TOX: variants seen among roughly 807,000 people sequenced by gnomAD.
TOX encodes the protein thymocyte selection-associated high mobility group box protein TOX.
Under a neutral mutation model 53.7 loss-of-function variants are expected in TOX, and 11 were observed. That is an observed-to-expected ratio of 0.20 (90% CI 0.13 to 0.34). The LOEUF (loss-of-function observed/expected upper bound fraction) is 0.34, where lower values mean the gene tolerates loss of function less well. Among genes scored for constraint, TOX ranks in the 10% least tolerant of loss-of-function variants. The pLI is 1.00. For synonymous variants in TOX, 225 were observed against 245.3 expected (o/e 0.92, Z 0.77); for missense variants, 570 against 664.6 (o/e 0.86, Z 1.56).
chr8:59,110,362 G>A (rs1192562372), intron 1 of TOX, among the ~76,000 whole-genome samples: 1 of 151,418 alleles, frequency 6.6e-6, no homozygotes, highest in African/African-American at 2.4e-5. Context: ...AGGTGTATTG[G>A]TATAGAAAGG....
At chr8:58,898,372 A>C (rs897771552) in intron 3 of TOX, among the ~76,000 whole-genome samples, 6 of 152,362 alleles carry the variant, frequency 3.9e-5, no homozygotes, top group Non-Finnish European at 8.8e-5. Context: ...TGTGCTCAAA[A>C]ACTACATATT....
At position 59,117,708 on chromosome 8, in the gene TOX, T is replaced by C. The variant is rs1420096855; in HGVS notation, c.102+1178A>G. 2.6e-5 allele frequency among the ~76,000 whole-genome samples: 4 copies of C among 152,250 alleles called. No individual in the cohort carries two copies. The highest frequency in any genetic ancestry group is 4.4e-5 in the Non-Finnish European group (3 of 68,032). ...GCAAATGTTGGGAGTCCCAACGATTTTTCCCGTGGAATGCACCGAGGGTCG... is the reference window on the plus strand; with the variant it reads ...GCAAATGTTGGGAGTCCCAACGATTCTTCCCGTGGAATGCACCGAGGGTCG... On this transcript the variant is annotated intron_variant, in intron 1 of 8. Coordinates refer to ENST00000361421, the MANE Select transcript of TOX (RefSeq NM_014729.3). This position sits in a 1 kb window ranked among gnomAD's most constrained non-coding sequence, Gnocchi z 4.6.
At chr8:59,090,980 A>G (rs1194092239) in intron 1 of TOX, among the ~76,000 whole-genome samples, 1 of 151,640 alleles carries the variant, frequency 6.6e-6, no homozygotes, top group Non-Finnish European at 1.5e-5. Context: ...ACCAGCTGTG[A>G]CTCCAGCAGG....
At chr8:58,980,956 C>T (rs1813194675) in intron 1 of TOX, among the ~76,000 whole-genome samples, 1 of 152,176 alleles carries the variant, frequency 6.6e-6, no homozygotes, top group Non-Finnish European at 1.5e-5. Flanking sequence ...TTTTCTCTCT[C>T]CTAACTGTTG....
intron 3 of TOX, among the ~76,000 whole-genome samples, chr8:58,852,085 A>C (rs992162332): frequency 6.6e-6 from 1 of 151,936 alleles, no homozygotes; most frequent in Non-Finnish European, 1.5e-5. Flanking sequence ...GTCTTTCTAC[A>C]CTAGTGAAAT....
At chr8:59,083,909 A>G (rs1380229712) in intron 1 of TOX, among the ~76,000 whole-genome samples, 3 of 152,204 alleles carry the variant, frequency 2.0e-5, no homozygotes, top group Non-Finnish European at 4.4e-5. Context: ...TCACATTTTT[A>G]ACTTTAAGTT....
chr8:58,843,665 T>A (rs886523015), intron 4 of TOX, among the ~76,000 whole-genome samples: 6 of 152,340 alleles, frequency 3.9e-5, no homozygotes, highest in Non-Finnish European at 8.8e-5. Flanking sequence ...CTATGAAATA[T>A]AAAGCTGTTT....
intron 1 of TOX, among the ~76,000 whole-genome samples, chr8:59,056,370 T>A (rs1803888528): frequency 1.5e-5 from 2 of 132,460 alleles, no homozygotes; most frequent in African/African-American, 5.8e-5. Context: ...AGGAAGGGGT[T>A]GCAGTGAGCT....
At chr8:58,859,952 G>A (rs1171685830) in intron 3 of TOX, among the ~76,000 whole-genome samples, 1 of 152,152 alleles carries the variant, frequency 6.6e-6, no homozygotes, top group Non-Finnish European at 1.5e-5. Flanking sequence ...ACCTGTTAAC[G>A]CCCTTAGTGC....
chr8:58,945,280 C>T (rs747467012), intron 2 of TOX, among the ~76,000 whole-genome samples: 25 of 152,290 alleles, frequency 1.6e-4, no homozygotes, highest in Non-Finnish European at 2.6e-4. Context: ...CTTAGAAAAG[C>T]GAACTTCTCT....
At chr8:58,943,279 G>A (rs1443568674) in intron 2 of TOX, among the ~76,000 whole-genome samples, 2 of 152,174 alleles carry the variant, frequency 1.3e-5, no homozygotes, top group Non-Finnish European at 2.9e-5. Context: ...CGTGAAGGAA[G>A]TCACAGCAGC....
At chr8:59,070,451 T>C (rs538284689) in intron 1 of TOX, among the ~76,000 whole-genome samples, 1 of 151,806 alleles carries the variant, frequency 6.6e-6, no homozygotes, top group African/African-American at 2.4e-5. Context: ...ATTAATGAAC[T>C]TTGTTCAGAT....
At chr8:58,949,285 A>G (rs1227135735) in intron 2 of TOX, among the ~76,000 whole-genome samples, 1 of 152,226 alleles carries the variant, frequency 6.6e-6, no homozygotes, top group Non-Finnish European at 1.5e-5. Flanking sequence ...TATTATCAAC[A>G]TTAGTGTTTA....
intron 3 of TOX, among the ~76,000 whole-genome samples, chr8:58,935,676 C>T (rs1416083315): frequency 3.3e-5 from 5 of 152,176 alleles, no homozygotes; most frequent in Non-Finnish European, 7.4e-5. Flanking sequence ...ATGACGTAAA[C>T]TGTCCCTACA....
intron 4 of TOX, among the ~76,000 whole-genome samples, chr8:58,840,741 G>A (rs1213322102): frequency 2.0e-5 from 3 of 152,164 alleles, no homozygotes; most frequent in East Asian, 1.9e-4. Flanking sequence ...GGTTGGCTGT[G>A]CTGGCCTGAT....
intron 2 of TOX, among the ~76,000 whole-genome samples, chr8:58,941,905 T>C (rs888346072): frequency 5.3e-5 from 8 of 151,898 alleles, no homozygotes; most frequent in African/African-American, 1.7e-4. Context: ...ATACAAAAAT[T>C]AGCCGGGTGT....
At chr8:58,816,373 CTT>C (rs1313390734) in intron 6 of TOX, among the ~76,000 whole-genome samples, 2 of 152,180 alleles carry the variant, frequency 1.3e-5, no homozygotes, top group East Asian at 1.9e-4. Flanking sequence ...AATAATCTCT[CTT>C]AGAAATTTTA....
chr8:58,846,242 TAAGG>T (rs2129167683), intron 4 of TOX, among the ~76,000 whole-genome samples: 1 of 152,174 alleles, frequency 6.6e-6, no homozygotes, highest in African/African-American at 2.4e-5. Context: ...TTAAAATAAA[TAAGG>T]GTCATACATT....
intron 1 of TOX, among the ~76,000 whole-genome samples, chr8:59,071,902 T>G (rs1804203831): frequency 6.6e-6 from 1 of 152,208 alleles, no homozygotes; most frequent in African/African-American, 2.4e-5. Context: ...TTTTCTTAAG[T>G]TTTCATGTTT....
Sources: gnomAD v4.1 joint callset for allele counts (sites outside exome capture counted in the v4.1 genomes callset) on GRCh38, gnomAD v4.1.1 for gene constraint, Gnocchi (gnomAD v3.1) non-coding constraint, MANE v1.5 for transcripts, NCBI Gene and HGNC (gene_info 2026-07-23, HGNC 2026-07-21) for gene names.